The following TCTA variants were observed in gnomAD, a reference collection of about 807,000 sequenced individuals.
TCTA encodes the protein T-cell leukemia translocation-altered gene protein.
A neutral mutation model predicts 13.5 loss-of-function variants in TCTA; 13 were observed. The observed-to-expected ratio is 0.96, with a 90% CI of 0.63 to 1.53. The LOEUF (loss-of-function observed/expected upper bound fraction) is 1.53, where lower values mean the gene tolerates loss of function less well. Ranked by LOEUF, TCTA falls within the 40% of genes most tolerant of loss-of-function variation. The pLI is 0.00. For missense variants in TCTA, 138 were observed against 131.3 expected (o/e 1.05, Z -0.25); for synonymous variants, 58 against 59.0 (o/e 0.98, Z 0.08).
Position 49,414,915 on chromosome 3 carries a change from A to G in TCTA, c.*53A>G. On this transcript the variant is annotated 3_prime_UTR_variant, in exon 3 of 3. Transcript: ENST00000273590. ...CATCACTGGGTCTGCTGGCTTCTAC[A>G]CTGGGTTCTGCTACTCCCCAGACCT... 6.2e-7 allele frequency: 1 copy of G among 1,611,010 alleles called. No individual in the cohort carries two copies. Among genetic ancestry groups the G allele is most frequent in the Non-Finnish European group, 8.5e-7 (1 of 1,177,554 alleles).
intron 2 of TCTA, chr3:49,413,463 C>A: frequency 3.7e-5 from 8 of 218,678 alleles, no homozygotes; most frequent in Non-Finnish European, 6.5e-5. Flanking sequence ...TCCTCTTCTG[C>A]AAAACATGCG....
rs779029527 is a variant in TCTA at position 49,412,505 on chromosome 3, C to A, written c.79C>A (p.Arg27=). The change falls in exon 1 of 3, where the codon CGG becomes AGG. Residue 27 remains arginine, a synonymous_variant. Coordinates refer to ENST00000273590, the MANE Select transcript of TCTA (RefSeq NM_022171.3). ...GGGCGCGCTGGGCAGCGAGTTCTTGCGGGAGTGGGAGGCGCAGGACATGCG... is the reference window on the plus strand; with the variant it reads ...GGGCGCGCTGGGCAGCGAGTTCTTGAGGGAGTGGGAGGCGCAGGACATGCG... ...VLGALGSEFL[R]EWEAQDMRVT... 7 of 1,614,168 alleles carry A rather than the reference C, an allele frequency of 4.3e-6. No homozygotes were observed. The East Asian group carries it at 1.6e-4, about 36-fold the overall frequency.
In TCTA at chr3:49,412,659, C is replaced by T. The variant is rs2048963818; in HGVS notation, c.214+19C>T. The T allele has an allele frequency of 1.9e-6, 3 of 1,609,218 alleles. No individual in the cohort carries two copies. Among genetic ancestry groups the T allele is most frequent in the Non-Finnish European group, 2.6e-6 (3 of 1,176,118 alleles). On this transcript the variant is annotated intron_variant, in intron 1 of 2. Coordinates refer to ENST00000273590, the MANE Select transcript of TCTA (RefSeq NM_022171.3). ...CGTCCAGGTGAGGCTTCCTACGAACCTCCGTGGGCTGGCCGCCCCCGCCCC... is the reference window on the plus strand; with the variant it reads ...CGTCCAGGTGAGGCTTCCTACGAACTTCCGTGGGCTGGCCGCCCCCGCCCC...
In TCTA at chr3:49,412,593, C is replaced by T; in HGVS notation, c.167C>T (p.Ala56Val). The T allele has an allele frequency of 1.9e-6, 3 of 1,614,244 alleles. No individual in the cohort carries two copies. Among genetic ancestry groups the T allele is most frequent in the Non-Finnish European group, 2.5e-6 (3 of 1,180,032 alleles). ...TTAAGTCTCCTGGGCATCCAGCTGG[C>T]GTGGGGGTTCTACGGGAATACAGTG... ...LVLSLLGIQL[A>V]WGFYGNTVTG... Residue 56 changes from alanine to valine, a missense_variant, in exon 1 of 3, where the codon GCG becomes GTG. By Grantham distance (64) the Ala-to-Val change is moderately conservative (BLOSUM62 0). Coordinates refer to ENST00000273590, the MANE Select transcript of TCTA (RefSeq NM_022171.3).
At position 49,412,600 on chromosome 3, in the gene TCTA, G is replaced by A. The variant is rs1164245369; in HGVS notation, c.174G>A (p.Gly58=). ...LSLLGIQLAW[G]FYGNTVTGLY... ...TCCTGGGCATCCAGCTGGCGTGGGG[G>A]TTCTACGGGAATACAGTGACCGGGT... The change falls in exon 1 of 3, where the codon GGG becomes GGA. Residue 58 remains glycine (G), a synonymous_variant. Transcript: ENST00000273590. 6.2e-7 allele frequency: 1 copy of A among 1,614,136 alleles called. No homozygotes were observed. Among genetic ancestry groups the A allele is most frequent in the African/African-American group, 1.3e-5 (1 of 74,954 alleles).
intron 2 of TCTA, 158 bp downstream of exon 2, chr3:49,413,268 G>C: frequency 1.3e-6 from 1 of 744,040 alleles, no homozygotes; most frequent in Non-Finnish European, 2.3e-6. Flanking sequence ...CTTCAAGTTA[G>C]GGTGACACCA....
At chr3:49,414,720 C>A in intron 2 of TCTA, 100 bp from the exon 3 acceptor site, 1 of 1,450,414 alleles carries the variant, frequency 6.9e-7, no homozygotes, top group Non-Finnish European at 9.6e-7. Context: ...CCTTACTGAG[C>A]CTAGCTCAGC....
rs772580835 is a variant in TCTA, at chr3:49,412,556, C to CT, written c.131dup (p.Trp45ValfsTer38). On this transcript the variant is annotated frameshift_variant, in exon 1 of 3. Transcript: ENST00000273590. LOFTEE classifies it high-confidence loss of function. ...CGTGACCCTCTTCAAGCTGCTGCTG[C>CT]TGTGGTTGGTGTTAAGTCTCCTGGG... 8 of 1,614,132 alleles carry CT rather than the reference C, an allele frequency of 5.0e-6. No individual in the cohort carries two copies. In the African/African-American group the frequency reaches 5.3e-5, roughly 11 times the overall value.
At chr3:49,414,532 C>A (rs1052870817) in intron 2 of TCTA, among the ~76,000 whole-genome samples, 1 of 151,756 alleles carries the variant, frequency 6.6e-6, no homozygotes, top group African/African-American at 2.4e-5. Flanking sequence ...GAAACTCCGT[C>A]TCAAAAAAAG....
Position 49,414,806 on chromosome 3 carries a change from T to TCA in TCTA, c.270-13_270-12insAC. On this transcript the variant is annotated splice_polypyrimidine_tract_variant and intron_variant, in intron 2 of 2. Coordinates refer to ENST00000273590, the MANE Select transcript of TCTA (RefSeq NM_022171.3). Reference sequence around the variant, plus strand: ...GAATAACCACTCTCTCTTCTCTCTCTCCATCACTTTCAGGGAAATGGCAGC... The same window carrying TCA: ...GAATAACCACTCTCTCTTCTCTCTCTCACCATCACTTTCAGGGAAATGGCAGC... 6.2e-7 allele frequency: 1 copy of TCA among 1,613,788 alleles called. No individual in the cohort carries two copies.
rs569087252 is a variant in TCTA at position 49,413,478 on chromosome 3, C to A, written c.269+368C>A. ...TCCTCTTCTGCAAAACATGCGCTCA[C>A]TAATCAGGGCATTCATTCAGATAAT... On this transcript the variant is annotated intron_variant, in intron 2 of 2. Transcript: ENST00000273590. 3.9e-5 allele frequency: 8 copies of A among 203,852 alleles called. No individual in the cohort carries two copies. The East Asian group carries it at 1.0e-3, about 26-fold the overall frequency. 12.6% of individuals were successfully genotyped at this position (203,852 alleles called of 1,614,324 possible).
intron 2 of TCTA, chr3:49,413,348 AGAGAG>A: frequency 5.4e-6 from 3 of 556,950 alleles, no homozygotes; most frequent in Admixed American, 3.2e-5. Flanking sequence ...TCATAATTTC[AGAGAG>A]ATGAAATGAC....
Position 49,412,540 on chromosome 3 carries a change from C to T in TCTA, c.114C>T (p.Leu38=), listed in dbSNP as rs1344906929. ...EWEAQDMRVT[L]FKLLLLWLVL... ...AGGCGCAGGACATGCGCGTGACCCT[C>T]TTCAAGCTGCTGCTGCTGTGGTTGG... The change falls in exon 1 of 3, where the codon CTC becomes CTT. Residue 38 remains leucine, a synonymous_variant. Coordinates refer to ENST00000273590, the MANE Select transcript of TCTA (RefSeq NM_022171.3). 5 of 1,614,274 alleles carry T rather than the reference C, an allele frequency of 3.1e-6. No individual in the cohort carries two copies. The highest frequency in any genetic ancestry group is 1.7e-5 in the Admixed American group (1 of 60,036).
chr3:49,414,547 G>A (rs890052955), intron 2 of TCTA, among the ~76,000 whole-genome samples: 2 of 152,026 alleles, frequency 1.3e-5, no homozygotes, highest in South Asian at 2.1e-4. Flanking sequence ...AAAAAGAAAA[G>A]TAATAACAAT....
intron 2 of TCTA, among the ~76,000 whole-genome samples, 195 bp from the exon 3 acceptor site, chr3:49,414,625 G>T (rs532867821): frequency 6.6e-6 from 1 of 152,192 alleles, no homozygotes; most frequent in Non-Finnish European, 1.5e-5. Flanking sequence ...GGAGAACCAG[G>T]AAGAAGAATG....
chr3:49,414,132 T>A (rs1270598871), intron 2 of TCTA, among the ~76,000 whole-genome samples: 1 of 151,644 alleles, frequency 6.6e-6, no homozygotes, highest in Non-Finnish European at 1.5e-5. Context: ...TCCCAGCTAC[T>A]CGGGAGGCTG....
At chr3:49,414,731 C>A in intron 2 of TCTA, 89 bp from the exon 3 acceptor site, 1 of 1,502,942 alleles carries the variant, frequency 6.7e-7, no homozygotes. Context: ...CTAGCTCAGC[C>A]CCCAAGAAGG....
At chr3:49,413,035 T>C (rs777019435) in intron 1 of TCTA, 21 bp from the exon 2 acceptor site, 1 of 1,613,846 alleles carries the variant, frequency 6.2e-7, no homozygotes, top group South Asian at 1.1e-5. Flanking sequence ...TCTGCAGCTC[T>C]GGATGTGTTT....
At chr3:49,412,773 G>T in intron 1 of TCTA, 133 bp downstream of exon 1, 1 of 1,109,918 alleles carries the variant, frequency 9.0e-7, no homozygotes. Context: ...TTACTACCCT[G>T]AACGCATCTG....
Sources: allele counts gnomAD v4.1 joint callset (sites outside exome capture counted in the v4.1 genomes callset), GRCh38; gene constraint gnomAD v4.1.1; transcripts MANE v1.5; gene names NCBI Gene and HGNC (gene_info 2026-07-23, HGNC 2026-07-21).